The following MAST4 variants were observed in gnomAD, a reference collection of about 807,000 sequenced individuals.
MAST4 encodes microtubule associated serine/threonine kinase family member 4, also known as microtubule-associated serine/threonine-protein kinase 4.
A neutral mutation model predicts 162.7 loss-of-function variants in MAST4; 89 were observed. The observed-to-expected ratio is 0.55, with a 90% confidence interval of 0.46 to 0.65. MAST4 has a LOEUF of 0.65. MAST4 is among the 30% of genes least tolerant of loss of function. The pLI is 0.00. For missense variants in MAST4, 3,153 were observed against 3,374.0 expected, an observed-to-expected ratio of 0.93 and a Z score of 1.62; for synonymous variants, 1,479 against 1,361.1, an observed-to-expected ratio of 1.09 and a Z score of -1.91.
chr5:67,164,621 G>A lies in MAST4; in HGVS notation c.5442G>A (p.Gln1814=). Residue 1814 remains glutamine (Q), a synonymous_variant, in exon 29 of 29, where the codon CAG becomes CAA. Transcript: ENST00000403625. This position sits in a 1 kb window ranked among gnomAD's most constrained non-coding sequence, Gnocchi z 5.3. ...ACATTGCTCTCCTGTCCGGACCTCA[G>A]GCCTCCAAGACAGAACTGCCTTCCC... The part of the protein sequence containing the change: ...TLDIALLSGP[Q]ASKTELPSPE... 1.9e-6 allele frequency: 3 copies of A among 1,613,992 alleles called. No individual in the cohort carries two copies. The highest frequency in any genetic ancestry group is 2.5e-6 in the Non-Finnish European group (3 of 1,179,882).
intron 1 of MAST4, among the ~76,000 whole-genome samples, chr5:66,708,636 T>G (rs1750298009): frequency 6.6e-6 from 1 of 152,228 alleles, no homozygotes; most frequent in Non-Finnish European, 1.5e-5. Flanking sequence ...TCTGTTATTA[T>G]GAGCACCAAG....
intron 1 of MAST4, among the ~76,000 whole-genome samples, chr5:66,609,784 A>G (rs997958698): frequency 1.3e-5 from 2 of 148,954 alleles, no homozygotes; most frequent in African/African-American, 5.0e-5. Context: ...GAGTCATTTC[A>G]TAAGTTTGTT....
intron 4 of MAST4, among the ~76,000 whole-genome samples, chr5:66,907,069 C>A (rs555101079): frequency 6.6e-6 from 1 of 151,346 alleles, no homozygotes; most frequent in African/African-American, 2.4e-5. Context: ...TTTTATCACA[C>A]GACCAGGAAA....
At chr5:66,886,224 G>A (rs1762031917) in intron 3 of MAST4, among the ~76,000 whole-genome samples, 1 of 152,276 alleles carries the variant, frequency 6.6e-6, no homozygotes, top group East Asian at 1.9e-4. Context: ...TAGCGTATAG[G>A]ACTTTTGTTT....
chr5:66,649,767 T>C (rs1218441597), intron 1 of MAST4, among the ~76,000 whole-genome samples: 1 of 151,942 alleles, frequency 6.6e-6, no homozygotes, highest in African/African-American at 2.4e-5. Flanking sequence ...ACCTTGACTA[T>C]AAGCACTCCC....
chr5:67,019,348 C>T (rs1450300128), intron 4 of MAST4, among the ~76,000 whole-genome samples: 2 of 152,170 alleles, frequency 1.3e-5, no homozygotes, highest in African/African-American at 2.4e-5. Context: ...CATTTCAGGT[C>T]CTGTTTTTCT....
intron 4 of MAST4, among the ~76,000 whole-genome samples, chr5:66,905,253 G>C (rs185577153): frequency 7.0e-6 from 1 of 143,626 alleles, no homozygotes; most frequent in Non-Finnish European, 1.5e-5. Flanking sequence ...GTTGCAGTGA[G>C]CCGAGATCGC....
At chr5:66,708,724 T>C (rs2149520779) in intron 1 of MAST4, among the ~76,000 whole-genome samples, 1 of 152,330 alleles carries the variant, frequency 6.6e-6, no homozygotes, top group East Asian at 1.9e-4. Flanking sequence ...TGCAAACCCG[T>C]TTAGTAGCCA....
chr5:66,718,853 A>G (rs548593551), intron 1 of MAST4, among the ~76,000 whole-genome samples: 1 of 152,196 alleles, frequency 6.6e-6, no homozygotes, highest in Admixed American at 6.5e-5. Flanking sequence ...GACTTCGAGT[A>G]TAGTTTGTGA....
chr5:66,646,185 A>G (rs1266011543), intron 1 of MAST4, among the ~76,000 whole-genome samples: 1 of 152,180 alleles, frequency 6.6e-6, no homozygotes, highest in African/African-American at 2.4e-5. Context: ...ACTTTTTGCC[A>G]TTCAATCAGA....
chr5:66,868,482 C>A (rs1760694903), intron 3 of MAST4, among the ~76,000 whole-genome samples: 1 of 141,194 alleles, frequency 7.1e-6, no homozygotes. Flanking sequence ...CGCAAATAAC[C>A]ATCACAAACT....
At chr5:66,863,513 T>C (rs1760262663) in intron 3 of MAST4, among the ~76,000 whole-genome samples, 1 of 152,070 alleles carries the variant, frequency 6.6e-6, no homozygotes, top group Non-Finnish European at 1.5e-5. Flanking sequence ...CCTCCTTGTT[T>C]CCCTCTCTCT....
At chr5:67,095,138 C>T (rs1188627324) in intron 6 of MAST4, among the ~76,000 whole-genome samples, 1 of 152,168 alleles carries the variant, frequency 6.6e-6, no homozygotes, top group Non-Finnish European at 1.5e-5. Context: ...TATAACTGTT[C>T]CTTGAAAATA....
At chr5:67,094,990 A>C (rs1764278806) in intron 6 of MAST4, among the ~76,000 whole-genome samples, 1 of 152,212 alleles carries the variant, frequency 6.6e-6, no homozygotes, top group Non-Finnish European at 1.5e-5. Context: ...GTAACAAGCC[A>C]GGTCATGTCC....
At chr5:67,142,893 G>A (rs961003205) in intron 21 of MAST4, 38 of 175,940 alleles carry the variant, frequency 2.2e-4, no homozygotes, top group African/African-American at 8.8e-4. Flanking sequence ...CCACAGTCTT[G>A]TTTTTGGAGT....
intron 3 of MAST4, among the ~76,000 whole-genome samples, chr5:66,854,677 G>T (rs1008283119): frequency 2.0e-5 from 3 of 151,992 alleles, no homozygotes; most frequent in Non-Finnish European, 4.4e-5. Flanking sequence ...ACCTAATCTG[G>T]GAAGTGACAC....
At chr5:66,838,805 G>A (rs1758214840) in intron 3 of MAST4, among the ~76,000 whole-genome samples, 1 of 152,170 alleles carries the variant, frequency 6.6e-6, no homozygotes, top group African/African-American at 2.4e-5. Context: ...ATTGCAAATA[G>A]TGCATGTGGG....
chr5:66,643,890 T>C (rs956828336), intron 1 of MAST4, among the ~76,000 whole-genome samples: 1 of 151,740 alleles, frequency 6.6e-6, no homozygotes, highest in Non-Finnish European at 1.5e-5. Flanking sequence ...TTTTTTTTTT[T>C]TTCTTTAAAT....
chr5:66,900,512 CTTTTAT>C (rs1171174020), intron 4 of MAST4, among the ~76,000 whole-genome samples: 1 of 151,856 alleles, frequency 6.6e-6, no homozygotes, highest in African/African-American at 2.4e-5. Flanking sequence ...GTGTTTTATT[CTTTTAT>C]TTTTAAGGCC....
Sources: allele counts gnomAD v4.1 joint callset (sites outside exome capture counted in the v4.1 genomes callset), GRCh38; gene constraint gnomAD v4.1.1; non-coding constraint Gnocchi (gnomAD v3.1); transcripts MANE v1.5; gene names NCBI Gene and HGNC (gene_info 2026-07-23, HGNC 2026-07-21).